Variants in PPM1E observed in about 807,000 individuals in gnomAD.
PPM1E encodes protein phosphatase 1E.
Under a neutral mutation model 65.9 loss-of-function variants are expected in PPM1E, and 20 were observed. The ratio of observed to expected loss-of-function variants is 0.30; its 90% CI spans 0.21 to 0.44. The LOEUF (loss-of-function observed/expected upper bound fraction) is 0.44, where lower values mean the gene tolerates loss of function less well. Among genes scored for constraint, PPM1E ranks in the 20% least tolerant of loss-of-function variants. PPM1E has a pLI of 1.00. For synonymous variants in PPM1E, 352 were observed against 374.9 expected (o/e 0.94, Z 0.70); for missense variants, 713 against 953.1 (o/e 0.75, Z 3.32).
At chr17:58,873,903 T>C (rs1456972952) in intron 1 of PPM1E, among the ~76,000 whole-genome samples, 5 of 151,782 alleles carry the variant, frequency 3.3e-5, no homozygotes, top group Non-Finnish European at 1.5e-5. Context: ...GGCCTAGTGT[T>C]AATTTTCTTT....
intron 1 of PPM1E, among the ~76,000 whole-genome samples, chr17:58,780,333 A>G (rs1460953929): frequency 6.6e-6 from 1 of 152,108 alleles, no homozygotes; most frequent in African/African-American, 2.4e-5. Flanking sequence ...ACATGGTGAA[A>G]CCCTGTCTCC....
intron 1 of PPM1E, among the ~76,000 whole-genome samples, chr17:58,920,038 C>T (rs1346914435): frequency 6.6e-6 from 1 of 152,054 alleles, no homozygotes; most frequent in Non-Finnish European, 1.5e-5. Context: ...AGGTGTTTAT[C>T]TATAAAAGTG....
At chr17:58,783,917 G>A (rs958816624) in intron 1 of PPM1E, among the ~76,000 whole-genome samples, 1 of 151,352 alleles carries the variant, frequency 6.6e-6, no homozygotes, top group Non-Finnish European at 1.5e-5. Flanking sequence ...CGACATGCTG[G>A]CCAGGCTGGT....
At chr17:58,901,260 G>A (rs545292732) in intron 1 of PPM1E, among the ~76,000 whole-genome samples, 2 of 152,110 alleles carry the variant, frequency 1.3e-5, no homozygotes, top group Non-Finnish European at 2.9e-5. Flanking sequence ...TATGATCAAC[G>A]TGAGCCACCA....
Position 58,972,119 on chromosome 17 carries a change from A to G in PPM1E, c.973-13A>G. 6.2e-7 allele frequency: 1 copy of G among 1,606,128 alleles called. No homozygotes were observed. The highest frequency in any genetic ancestry group is 8.5e-7 in the Non-Finnish European group (1 of 1,175,086). ...CTTTTCACTGAGTCTAGTTTTATTT[A>G]AACTGTTTTCAGAGCTTAAGATGTG... is the stretch of plus-strand genomic sequence containing the variant. On this transcript the variant is annotated splice_polypyrimidine_tract_variant and intron_variant, in intron 4 of 6. Transcript: ENST00000308249.
intron 1 of PPM1E, among the ~76,000 whole-genome samples, chr17:58,887,943 G>C (rs2051295599): frequency 6.6e-6 from 1 of 152,160 alleles, no homozygotes; most frequent in Non-Finnish European, 1.5e-5. Context: ...TCAGGTTCTG[G>C]ATATATTTTG....
At chr17:58,938,569 G>T (rs2052017660) in intron 1 of PPM1E, among the ~76,000 whole-genome samples, 1 of 152,012 alleles carries the variant, frequency 6.6e-6, no homozygotes, top group Non-Finnish European at 1.5e-5. Flanking sequence ...AGTATCTGAG[G>T]TATCTATGAA....
intron 1 of PPM1E, among the ~76,000 whole-genome samples, chr17:58,834,463 A>G (rs2050634421): frequency 6.6e-6 from 1 of 152,066 alleles, no homozygotes; most frequent in South Asian, 2.1e-4. Context: ...ATCTAAGAAC[A>G]TTTTCCCTAA....
intron 1 of PPM1E, among the ~76,000 whole-genome samples, chr17:58,949,619 AT>A (rs1213016469): frequency 6.6e-6 from 1 of 151,816 alleles, no homozygotes; most frequent in Non-Finnish European, 1.5e-5. Context: ...CCTATTATTT[AT>A]TTTTGTGGTT....
chr17:58,807,200 T>C (rs1364156336), intron 1 of PPM1E, among the ~76,000 whole-genome samples: 1 of 152,188 alleles, frequency 6.6e-6, no homozygotes, highest in East Asian at 1.9e-4. Context: ...TTTGATACTT[T>C]CCATAATAAA....
At chr17:58,799,065 G>A (rs1047567861) in intron 1 of PPM1E, among the ~76,000 whole-genome samples, 4 of 152,138 alleles carry the variant, frequency 2.6e-5, no homozygotes, top group African/African-American at 9.7e-5. Context: ...TATATAGTGT[G>A]AGATAAAGCT....
chr17:58,907,102 C>T (rs145174226), intron 1 of PPM1E, among the ~76,000 whole-genome samples: 57 of 152,148 alleles, frequency 3.7e-4, no homozygotes, highest in Middle Eastern at 6.8e-3. Flanking sequence ...AAAATTTAGT[C>T]GAGCGTGGTG....
intron 1 of PPM1E, among the ~76,000 whole-genome samples, chr17:58,924,062 G>A (rs1204259049): frequency 1.3e-5 from 2 of 151,546 alleles, no homozygotes; most frequent in Non-Finnish European, 2.9e-5. Flanking sequence ...GGGATTACAG[G>A]TGTGCACCAC....
At position 58,983,868 on chromosome 17, in the gene PPM1E, C is replaced by T. The variant is rs1430477206; in HGVS notation, c.*2837C>T. On this transcript the variant is annotated 3_prime_UTR_variant, in exon 7 of 7. Transcript: ENST00000308249. ...AAGAGTGTAATATTGGTTAGGGAAA[C>T]AAACTTCAGGTCACCAACTGAAGTC... The T allele has an allele frequency of 6.6e-6, 1 of 152,554 alleles. No individual in the cohort carries two copies. Among genetic ancestry groups the T allele is most frequent in the Non-Finnish European group, 1.5e-5 (1 of 68,006 alleles). The allele number at this position is 152,554 out of a possible 1,614,324, so 9.5% of individuals were successfully genotyped here.
chr17:58,891,693 A>G (rs1406872529), intron 1 of PPM1E, among the ~76,000 whole-genome samples: 1 of 152,054 alleles, frequency 6.6e-6, no homozygotes, highest in African/African-American at 2.4e-5. Flanking sequence ...AATGTTACAC[A>G]TTTTATACCA....
chr17:58,867,199 C>G (rs1291012010), intron 1 of PPM1E, among the ~76,000 whole-genome samples: 1 of 152,112 alleles, frequency 6.6e-6, no homozygotes, highest in African/African-American at 2.4e-5. Flanking sequence ...CAGGCGGTCT[C>G]GAACTCCTGA....
chr17:58,776,405 A>G (rs2049995186), intron 1 of PPM1E, among the ~76,000 whole-genome samples: 1 of 152,244 alleles, frequency 6.6e-6, no homozygotes, highest in Admixed American at 6.5e-5. Context: ...TAGAACACAT[A>G]ATGGATTCTT....
intron 1 of PPM1E, among the ~76,000 whole-genome samples, chr17:58,877,049 C>G (rs1377867314): frequency 6.6e-6 from 1 of 152,224 alleles, no homozygotes; most frequent in Non-Finnish European, 1.5e-5. Flanking sequence ...TCCCAAAGTG[C>G]TGGGATTACA....
rs939564205 is a variant in PPM1E, at chr17:58,804,281, A to C, written c.464+47820A>C. Among the ~76,000 whole-genome samples the C allele has an allele frequency of 3.9e-5, 6 of 152,158 alleles. No individual in the cohort carries two copies. The South Asian group carries it at 8.3e-4, about 21-fold the overall frequency. On this transcript the variant is annotated intron_variant, in intron 1 of 6. Coordinates refer to ENST00000308249, the MANE Select transcript of PPM1E (RefSeq NM_014906.5). ...TTTTTCTATTTAAAATTTTAAAGTG[A>C]TTGGTTTTGAAAACTTTTTAATGTT...
Sources: allele counts gnomAD v4.1 joint callset (sites outside exome capture counted in the v4.1 genomes callset), GRCh38; gene constraint gnomAD v4.1.1; transcripts MANE v1.5; gene names NCBI Gene and HGNC (gene_info 2026-07-23, HGNC 2026-07-21).